The following KAZN variants were observed in gnomAD, a reference collection of about 807,000 sequenced individuals.
KAZN encodes the protein kazrin, periplakin interacting protein.
In KAZN, 40 loss-of-function variants were observed where a neutral mutation model predicts 87.4. The ratio of observed to expected loss-of-function variants is 0.46; its 90% CI spans 0.36 to 0.60. The LOEUF is 0.60. Among genes scored for constraint, KAZN ranks in the 20% least tolerant of loss-of-function variants. The probability of loss-of-function intolerance (pLI) is 0.00; values close to 1 mark genes in which losing one functional copy is unlikely to be tolerated. For missense variants in KAZN, 898 were observed against 1,073.9 expected, an observed-to-expected ratio of 0.84 and a Z score of 2.29; for synonymous variants, 466 against 458.3, an observed-to-expected ratio of 1.02 and a Z score of -0.22.
chr1:15,041,572 G>A (rs1478548164), intron 3 of KAZN, among the ~76,000 whole-genome samples: 1 of 151,752 alleles, frequency 6.6e-6, no homozygotes, highest in East Asian at 1.9e-4. Context: ...CTCGACCTCA[G>A]GTGATCCATC....
At chr1:15,110,933 C>T (rs913421006) in intron 13 of KAZN, among the ~76,000 whole-genome samples, 3 of 152,244 alleles carry the variant, frequency 2.0e-5, no homozygotes, top group Non-Finnish European at 4.4e-5. Flanking sequence ...TCCAGCACCC[C>T]TCTGTGCCAG....
At chr1:14,181,627 C>G (rs1646200824) in intron 2 of KAZN, among the ~76,000 whole-genome samples, 1 of 152,106 alleles carries the variant, frequency 6.6e-6, no homozygotes, top group African/African-American at 2.4e-5. Flanking sequence ...TTATGCAAAG[C>G]CTTTCATTCC....
chr1:14,422,804 C>A (rs974723990), intron 2 of KAZN, among the ~76,000 whole-genome samples: 1 of 152,160 alleles, frequency 6.6e-6, no homozygotes, highest in East Asian at 1.9e-4. Flanking sequence ...CATTCTTAGA[C>A]CATTGTCTGG....
At chr1:15,034,405 G>A (rs962106975) in intron 2 of KAZN, among the ~76,000 whole-genome samples, 9 of 152,188 alleles carry the variant, frequency 5.9e-5, no homozygotes, top group Non-Finnish European at 1.2e-4. Flanking sequence ...GGCCCTGTCC[G>A]ATTCCTGAGC....
chr1:14,069,123 T>G (rs1643138767), intron 1 of KAZN, among the ~76,000 whole-genome samples: 1 of 152,146 alleles, frequency 6.6e-6, no homozygotes, highest in African/African-American at 2.4e-5. Context: ...AGCAAGGTCT[T>G]CAGCTCATTA....
chr1:14,060,084 C>G (rs960325739), intron 1 of KAZN, among the ~76,000 whole-genome samples: 2 of 151,390 alleles, frequency 1.3e-5, no homozygotes, highest in African/African-American at 4.9e-5. Flanking sequence ...TAAGAATGAG[C>G]CTGGGGGCAG....
At chr1:14,568,882 T>G (rs961060914) in intron 2 of KAZN, among the ~76,000 whole-genome samples, 2 of 152,216 alleles carry the variant, frequency 1.3e-5, no homozygotes, top group Non-Finnish European at 2.9e-5. Context: ...TTCCGATCCA[T>G]TCAGCCACAA....
intron 1 of KAZN, among the ~76,000 whole-genome samples, chr1:14,915,938 A>G (rs868385326): frequency 2.0e-5 from 3 of 152,270 alleles, no homozygotes; most frequent in South Asian, 2.1e-4. Context: ...CGTGGGCTTT[A>G]GTCCTGCTTC....
intron 2 of KAZN, among the ~76,000 whole-genome samples, chr1:14,968,561 C>G (rs1664702753): frequency 6.6e-6 from 1 of 152,210 alleles, no homozygotes; most frequent in South Asian, 2.1e-4. Flanking sequence ...ACACTGCCCT[C>G]TCTCAGGGCT....
At chr1:14,230,761 A>G (rs75066244) in intron 2 of KAZN, among the ~76,000 whole-genome samples, 1,717 of 152,136 alleles carry the variant, frequency 0.011, 31 homozygotes, top group African/African-American at 0.039. Context: ...TGGTGGCCAT[A>G]TTTTTTCAGT....
chr1:14,549,499 G>A (rs79351724), intron 2 of KAZN, among the ~76,000 whole-genome samples: 2,897 of 152,228 alleles, frequency 0.019, 39 homozygotes, highest in Non-Finnish European at 0.029. Flanking sequence ...GGATGGTATT[G>A]GCCAGAGATT....
chr1:14,113,650 G>T (rs923319405), intron 1 of KAZN, among the ~76,000 whole-genome samples: 1 of 152,174 alleles, frequency 6.6e-6, no homozygotes, highest in African/African-American at 2.4e-5. Flanking sequence ...GAAAGATCTG[G>T]ACAAGCACCC....
Position 14,688,239 on chromosome 1 carries a change from T to A in KAZN, c.226+89016T>A, listed in dbSNP as rs1641072196. 2.0e-5 allele frequency among the ~76,000 whole-genome samples: 3 copies of A among 152,224 alleles called. No individual in the cohort carries two copies. In the South Asian group the frequency reaches 6.2e-4, roughly 32 times the overall value. On this transcript the variant is annotated intron_variant, in intron 1 of 14. Transcript: ENST00000376030. Reference sequence around the variant, plus strand: ...AGCTAGCTGGCCATGGAAGGGAAGATCCTGAGATTGGGTTTGGTTCCAGCT... The same window carrying A: ...AGCTAGCTGGCCATGGAAGGGAAGAACCTGAGATTGGGTTTGGTTCCAGCT...
At chr1:14,822,995 A>AG (rs1646779948) in intron 1 of KAZN, among the ~76,000 whole-genome samples, 1 of 152,166 alleles carries the variant, frequency 6.6e-6, no homozygotes, top group African/African-American at 2.4e-5. Flanking sequence ...CCTATGGGGA[A>AG]GGGGGGCTTC....
chr1:14,837,350 C>A (rs755704843), intron 1 of KAZN, among the ~76,000 whole-genome samples: 3 of 151,976 alleles, frequency 2.0e-5, no homozygotes, highest in African/African-American at 7.3e-5. Flanking sequence ...CAGGCAGGCG[C>A]CACCATGCCC....
intron 2 of KAZN, among the ~76,000 whole-genome samples, chr1:14,347,000 A>ATT (rs1420904811): frequency 1.3e-5 from 2 of 152,136 alleles, no homozygotes; most frequent in Non-Finnish European, 2.9e-5. Context: ...GGAAGGAAAT[A>ATT]CAACATTACA....
chr1:14,302,582 G>A (rs1159385349), intron 2 of KAZN, among the ~76,000 whole-genome samples: 2 of 152,170 alleles, frequency 1.3e-5, no homozygotes, highest in East Asian at 3.8e-4. Flanking sequence ...TAACAAGAAT[G>A]TGTTAGCTGA....
intron 2 of KAZN, among the ~76,000 whole-genome samples, chr1:14,357,442 A>G (rs2100966946): frequency 6.6e-6 from 1 of 152,336 alleles, no homozygotes; most frequent in Non-Finnish European, 1.5e-5. Flanking sequence ...TGCCCTGGCC[A>G]GAACTTCCAA....
intron 1 of KAZN, among the ~76,000 whole-genome samples, chr1:14,158,029 A>G (rs190808046): frequency 2.6e-5 from 4 of 152,324 alleles, no homozygotes; most frequent in African/African-American, 9.6e-5. Flanking sequence ...CGGGGATTAC[A>G]GTTTGAGATG....
Sources: allele counts gnomAD v4.1 joint callset (sites outside exome capture counted in the v4.1 genomes callset), GRCh38; gene constraint gnomAD v4.1.1; transcripts MANE v1.5; gene names NCBI Gene and HGNC (gene_info 2026-07-23, HGNC 2026-07-21).